Variants in ARSB observed in about 807,000 individuals in gnomAD.
ARSB encodes N-acetylgalactosamine-4-sulfatase.
ARSB carries 41 observed loss-of-function variants against 50.9 expected under a neutral mutation model. The ratio of observed to expected loss-of-function variants is 0.81; its 90% CI spans 0.63 to 1.04. The LOEUF (loss-of-function observed/expected upper bound fraction) is 1.04, where lower values mean the gene tolerates loss of function less well. Ranked by LOEUF, ARSB falls within the 50% of genes least tolerant of loss-of-function variation. The probability of loss-of-function intolerance (pLI) is 0.00; values close to 1 mark genes in which losing one functional copy is unlikely to be tolerated. For synonymous variants in ARSB, 269 were observed against 284.8 expected (o/e 0.94, Z 0.56); for missense variants, 672 against 693.3 (o/e 0.97, Z 0.35).
At chr5:78,822,004 T>C (rs1271840710) in intron 6 of ARSB, among the ~76,000 whole-genome samples, 3 of 152,310 alleles carry the variant, frequency 2.0e-5, no homozygotes, top group South Asian at 2.1e-4. Context: ...TTGTCATTTT[T>C]CTCCATGATC....
chr5:78,953,213 G>A (rs1751560021), intron 4 of ARSB, among the ~76,000 whole-genome samples: 1 of 152,214 alleles, frequency 6.6e-6, no homozygotes, highest in African/African-American at 2.4e-5. Flanking sequence ...TTCTGGCCCT[G>A]CCCAGGCTCC....
intron 4 of ARSB, among the ~76,000 whole-genome samples, chr5:78,944,119 T>G (rs1751086852): frequency 6.6e-6 from 1 of 152,246 alleles, no homozygotes; most frequent in African/African-American, 2.4e-5. Flanking sequence ...GCCGTGGTTT[T>G]CAGCTCCATC....
intron 6 of ARSB, among the ~76,000 whole-genome samples, chr5:78,809,454 C>T (rs1743716054): frequency 6.6e-6 from 1 of 152,266 alleles, no homozygotes; most frequent in South Asian, 2.1e-4. Context: ...TCTCTGTCTA[C>T]AACAAAGGCC....
chr5:78,980,938 C>CTTT (rs762385496), intron 1 of ARSB, among the ~76,000 whole-genome samples: 2 of 24,482 alleles, frequency 8.2e-5, no homozygotes, highest in Non-Finnish European at 1.3e-4. Flanking sequence ...ATTTCTAGTT[C>CTTT]TTTTTTTTTT....
intron 6 of ARSB, among the ~76,000 whole-genome samples, chr5:78,836,573 A>G (rs10942869): frequency 0.35 from 53,477 of 152,088 alleles, 10,195 homozygotes; most frequent in Middle Eastern, 0.43. Flanking sequence ...CAGTCTATGG[A>G]TGGCAAGATT....
chr5:78,985,084 T>G lies in ARSB; in HGVS notation c.165A>C (p.Leu55=). 1 of 1,533,822 alleles carries G rather than the reference T, an allele frequency of 6.5e-7. No homozygotes were observed. Among genetic ancestry groups the G allele is most frequent in the Non-Finnish European group, 8.8e-7 (1 of 1,140,320 alleles). ...PHLVFLLADD[L]GWNDVGFHGS... ...CGTGGAAGCCGACGTCGTTCCAGCCTAGGTCGTCTGCCAGCAAGAAGACCA... is the reference window on the plus strand; with the variant it reads ...CGTGGAAGCCGACGTCGTTCCAGCCGAGGTCGTCTGCCAGCAAGAAGACCA... Residue 55 remains leucine, a synonymous_variant, in exon 1 of 8, where the codon CTA becomes CTC. Transcript: ENST00000264914.
chr5:78,872,865 C>T (rs927129137), intron 5 of ARSB, among the ~76,000 whole-genome samples: 1 of 149,494 alleles, frequency 6.7e-6, no homozygotes, highest in Non-Finnish European at 1.5e-5. Context: ...AGAAACTGCA[C>T]TTCACTATAG....
intron 2 of ARSB, among the ~76,000 whole-genome samples, chr5:78,965,674 T>C (rs535549052): frequency 1.1e-4 from 17 of 152,346 alleles, no homozygotes; most frequent in African/African-American, 4.1e-4. Flanking sequence ...TGCTAGACTC[T>C]TAGCTATCTC....
At chr5:78,805,788 C>T (rs563901441) in intron 6 of ARSB, among the ~76,000 whole-genome samples, 4 of 152,246 alleles carry the variant, frequency 2.6e-5, no homozygotes, top group South Asian at 2.1e-4. Flanking sequence ...CTGTGGGTTC[C>T]GGGGCACAGT....
chr5:78,973,793 A>C (rs1429282779), intron 1 of ARSB, among the ~76,000 whole-genome samples: 1 of 152,192 alleles, frequency 6.6e-6, no homozygotes, highest in African/African-American at 2.4e-5. Flanking sequence ...TCACCTCAAC[A>C]GTGTTGAGAT....
At chr5:78,944,841 G>A (rs1330829996) in intron 4 of ARSB, among the ~76,000 whole-genome samples, 1 of 152,172 alleles carries the variant, frequency 6.6e-6, no homozygotes, top group Non-Finnish European at 1.5e-5. Flanking sequence ...AGAGGTTTCT[G>A]CTGCCTTTTG....
At position 78,839,382 on chromosome 5, in the gene ARSB, T is replaced by C. The variant is rs756042437; in HGVS notation, c.1187A>G (p.Asp396Gly). Residue 396 changes from aspartate (D) to glycine (G), a missense_variant, in exon 6 of 8, where the codon GAC (aspartate) becomes GGC (glycine). Physicochemically the swap from Asp to Gly is moderately conservative, Grantham distance 94. Transcript: ENST00000264914. ...SPRIELLHNI[D>G]PNFVDSSPCP... is the part of the protein sequence containing the mutation. ...CGGTGAAGAGTCCACGAAGTTCGGG[T>C]CAATATTATGCAGCAGCTCAATTCT... 6.2e-7 allele frequency: 1 copy of C among 1,613,880 alleles called. No individual in the cohort carries two copies. The highest frequency in any genetic ancestry group is 8.5e-7 in the Non-Finnish European group (1 of 1,179,838).
At chr5:78,857,976 C>A (rs1405764560) in intron 5 of ARSB, among the ~76,000 whole-genome samples, 1 of 152,192 alleles carries the variant, frequency 6.6e-6, no homozygotes, top group East Asian at 1.9e-4. Context: ...TTCATTCAAC[C>A]TTCAACACTG....
intron 4 of ARSB, among the ~76,000 whole-genome samples, chr5:78,907,215 G>A (rs1323555268): frequency 6.6e-6 from 1 of 152,228 alleles, no homozygotes; most frequent in African/African-American, 2.4e-5. Context: ...AGGGCAAGGG[G>A]ATGGGGCGGG....
intron 4 of ARSB, among the ~76,000 whole-genome samples, chr5:78,923,057 C>A (rs1315955901): frequency 6.6e-6 from 1 of 152,086 alleles, no homozygotes; most frequent in East Asian, 1.9e-4. Flanking sequence ...CAGAAGTTTG[C>A]ATGTAGGTAG....
At chr5:78,890,376 A>G (rs952842021) in intron 4 of ARSB, among the ~76,000 whole-genome samples, 1 of 151,188 alleles carries the variant, frequency 6.6e-6, no homozygotes, top group African/African-American at 2.4e-5. Flanking sequence ...TCAGCCTCCC[A>G]AGTAGCTGGG....
chr5:78,780,755 T>C, intron 7 of ARSB, 93 bp from the exon 8 acceptor site: 3 of 1,483,102 alleles, frequency 2.0e-6, no homozygotes, highest in Admixed American at 1.9e-5. Flanking sequence ...CTGCACTGGG[T>C]TGTGGGTGTG....
chr5:78,929,453 C>T (rs999333065), intron 4 of ARSB, among the ~76,000 whole-genome samples: 1 of 152,126 alleles, frequency 6.6e-6, no homozygotes, highest in Non-Finnish European at 1.5e-5. Flanking sequence ...ACTTGTGCCT[C>T]ACACTGAATT....
chr5:78,978,713 G>A (rs1445121694), intron 1 of ARSB, among the ~76,000 whole-genome samples: 1 of 152,172 alleles, frequency 6.6e-6, no homozygotes, highest in Non-Finnish European at 1.5e-5. Context: ...GGTCAATTGA[G>A]TCTTGACAAG....
Sources: gnomAD v4.1 joint callset for allele counts (sites outside exome capture counted in the v4.1 genomes callset) on GRCh38, gnomAD v4.1.1 for gene constraint, MANE v1.5 for transcripts, NCBI Gene and HGNC (gene_info 2026-07-23, HGNC 2026-07-21) for gene names.